Variants in ASMTL observed in about 807,000 individuals in gnomAD.
ASMTL encodes acetylserotonin O-methyltransferase like.
In ASMTL, 57 loss-of-function variants were observed where a neutral mutation model predicts 60.3. That is an observed-to-expected ratio of 0.95 (90% CI 0.76 to 1.18). ASMTL has a LOEUF of 1.18. ASMTL is among the 50% of genes most tolerant of loss of function. The pLI, the probability that ASMTL is intolerant of heterozygous loss-of-function variation, is 0.00. For synonymous variants in ASMTL, 419 were observed against 373.0 expected (o/e 1.12, Z -1.42); for missense variants, 981 against 852.6 (o/e 1.15, Z -1.88).
At chrX:1,452,512 C>T (rs1213697440) in intron 1 of ASMTL, among the ~76,000 whole-genome samples, 1 of 149,446 alleles carries the variant, frequency 6.7e-6, no homozygotes, top group Non-Finnish European at 1.5e-5. Context: ...CCAGGTCACT[C>T]CCCACCCCCA....
chrX:1,419,900 A>G (rs754708101), intron 9 of ASMTL, among the ~76,000 whole-genome samples: 1 of 150,944 alleles, frequency 6.6e-6, no homozygotes, highest in South Asian at 2.1e-4. Flanking sequence ...CTTCTCCACC[A>G]CTGGCTTCTC....
At chrX:1,425,243 G>A (rs1250109072) in intron 8 of ASMTL, among the ~76,000 whole-genome samples, 8 of 152,252 alleles carry the variant, frequency 5.3e-5, no homozygotes, top group South Asian at 4.1e-4. Context: ...TGTGTACACC[G>A]TATTGGGTTC....
intron 12 of ASMTL, among the ~76,000 whole-genome samples, chrX:1,411,015 GTC>G (rs1367526069): frequency 6.6e-6 from 1 of 151,040 alleles, no homozygotes; most frequent in African/African-American, 2.4e-5. Context: ...GAGAAACCCT[GTC>G]TCTATTAAAA....
intron 4 of ASMTL, 104 bp downstream of exon 4, chrX:1,435,590 G>A (rs868866160): frequency 1.8e-6 from 2 of 1,084,010 alleles, no homozygotes; most frequent in South Asian, 1.3e-5. Context: ...TCAGACGGCA[G>A]AGCTGACAGA....
At chrX:1,405,920 AGATGAGTGGATGGATGGATGAATG>A (rs1156952424) in intron 12 of ASMTL, among the ~76,000 whole-genome samples, 4 of 150,848 alleles carry the variant, frequency 2.7e-5, no homozygotes, top group Non-Finnish European at 5.9e-5. Flanking sequence ...ATGGGTAGGT[AGATGAGTGGATGGATGGATGAATG>A]GATGAGTAGA....
chrX:1,437,316 T>C (rs1203097266), intron 3 of ASMTL, among the ~76,000 whole-genome samples: 2 of 151,060 alleles, frequency 1.3e-5, no homozygotes, highest in South Asian at 2.1e-4. Flanking sequence ...TTATGAGGTG[T>C]CTTAGTCCAT....
intron 6 of ASMTL, among the ~76,000 whole-genome samples, chrX:1,429,081 G>T (rs1459966955): frequency 1.2e-4 from 18 of 151,676 alleles, no homozygotes; most frequent in Non-Finnish European, 2.5e-4. Context: ...ATTTAGTAGA[G>T]ACGGGGTTTC....
chrX:1,444,208 A>AT lies in ASMTL; in HGVS notation c.94-1892dup, dbSNP rs112915722. ...AACCCTTTGCTGAGCCACTTTTTGT[A>AT]TTTTTTTTTTTTTTTTTGAAACGGA... On this transcript the variant is annotated intron_variant, in intron 1 of 12. Transcript: ENST00000381317. Among the ~76,000 whole-genome samples the AT allele has an allele frequency of 1.6e-3, 194 of 123,486 alleles. 2 individuals are homozygous for AT. The highest frequency in any genetic ancestry group is 5.1e-3 in the African/African-American group (172 of 34,014). The allele number at this position is 123,486 out of a possible 152,430, so 81.0% of individuals were successfully genotyped here.
chrX:1,419,960 CTGTG>C (rs1161110760), intron 9 of ASMTL, among the ~76,000 whole-genome samples: 1 of 152,124 alleles, frequency 6.6e-6, no homozygotes, highest in Non-Finnish European at 1.5e-5. Context: ...CTGTCTCCGT[CTGTG>C]TGTCTCTGTC....
At chrX:1,417,739 C>T (rs1306977649) in intron 11 of ASMTL, among the ~76,000 whole-genome samples, 4 of 82,326 alleles carry the variant, frequency 4.9e-5, no homozygotes, top group Admixed American at 4.3e-4. Context: ...CACACACAGA[C>T]ATGCTCACGC....
intron 6 of ASMTL, among the ~76,000 whole-genome samples, chrX:1,429,021 C>T (rs1458628733): frequency 2.3e-4 from 35 of 151,524 alleles, no homozygotes; most frequent in African/African-American, 7.8e-4. Context: ...CTCAGCCTCC[C>T]GGGTAGCTGG....
intron 12 of ASMTL, among the ~76,000 whole-genome samples, chrX:1,408,012 C>A (rs1379000330): frequency 7.0e-6 from 1 of 142,634 alleles, no homozygotes; most frequent in Non-Finnish European, 1.5e-5. Flanking sequence ...GTAGCCTGGG[C>A]AACATCGCAA....
intron 1 of ASMTL, among the ~76,000 whole-genome samples, chrX:1,449,021 A>G (rs1173187534): frequency 1.3e-5 from 2 of 152,142 alleles, no homozygotes; most frequent in Non-Finnish European, 2.9e-5. Flanking sequence ...GACCAGAAAC[A>G]TCCCAAGCCC....
chrX:1,405,577 T>A (rs1429826019), intron 12 of ASMTL, among the ~76,000 whole-genome samples: 61 of 147,518 alleles, frequency 4.1e-4, no homozygotes, highest in Non-Finnish European at 7.6e-4. Context: ...ATGCATGAGA[T>A]GGATGGATGG....
intron 4 of ASMTL, 60 bp from the exon 5 acceptor site, chrX:1,435,143 G>A (rs373967305): frequency 1.5e-5 from 23 of 1,584,028 alleles, no homozygotes; most frequent in East Asian, 8.9e-5. Flanking sequence ...GCTACAAAGC[G>A]AGTTTCTCAA....
chrX:1,432,398 G>A lies in ASMTL; in HGVS notation c.401-21C>T, dbSNP rs1314060737. The A allele has an allele frequency of 9.4e-6, 15 of 1,594,322 alleles. No homozygotes were observed. In the Admixed American group the frequency reaches 1.2e-4, roughly 13 times the overall value. The stretch of plus-strand genomic sequence containing the variant: ...ATGGTCTGCAAGGACACAGCCGTGG[G>A]GGTGAGCGTGGACGCCAGCTTGTCA... On this transcript the variant is annotated intron_variant, in intron 5 of 12. Coordinates refer to ENST00000381317, the MANE Select transcript of ASMTL (RefSeq NM_004192.4).
At chrX:1,407,934 G>C (rs1323612238) in intron 12 of ASMTL, among the ~76,000 whole-genome samples, 2 of 152,090 alleles carry the variant, frequency 1.3e-5, no homozygotes, top group Admixed American at 6.6e-5. Flanking sequence ...GCCGGGTGCA[G>C]TGGCTCATGT....
At chrX:1,446,644 C>T (rs1446601429) in intron 1 of ASMTL, among the ~76,000 whole-genome samples, 16 of 151,990 alleles carry the variant, frequency 1.1e-4, no homozygotes, top group South Asian at 2.1e-4. Context: ...GGACTGCAGG[C>T]GCCCGCCACC....
chrX:1,427,761 C>A lies in ASMTL; in HGVS notation c.870G>T (p.Glu290Asp). ...TLPPFPTRLL[E>D]LIEGFMLSKG... ...TGGATAGCATAAAGCCCTCAATCAG[C>A]TCCAGGAGGCGTGTCGGGAACGGAG... Residue 290 changes from glutamate to aspartate, a missense_variant, in exon 7 of 13, where the codon GAG becomes GAT. Transcript: ENST00000381317. 2 of 1,612,478 alleles carry A rather than the reference C, an allele frequency of 1.2e-6. No individual in the cohort carries two copies. The highest frequency in any genetic ancestry group is 1.1e-5 in the South Asian group (1 of 90,956).
Sources: gnomAD v4.1 joint callset for allele counts (sites outside exome capture counted in the v4.1 genomes callset) on GRCh38, gnomAD v4.1.1 for gene constraint, MANE v1.5 for transcripts, NCBI Gene and HGNC (gene_info 2026-07-23, HGNC 2026-07-21) for gene names.